The following MFHAS1 variants were observed in gnomAD, a reference collection of about 807,000 sequenced individuals.
MFHAS1 encodes the protein malignant fibrous histiocytoma-amplified sequence 1.
In MFHAS1, 50 loss-of-function variants were observed where a neutral mutation model predicts 70.4. The ratio of observed to expected loss-of-function variants is 0.71; its 90% CI spans 0.57 to 0.90. The LOEUF is 0.90. Among genes scored for constraint, MFHAS1 ranks in the 40% least tolerant of loss-of-function variants. The probability of loss-of-function intolerance (pLI) is 0.00; values close to 1 mark genes in which losing one functional copy is unlikely to be tolerated. For synonymous variants in MFHAS1, 952 were observed against 620.0 expected (o/e 1.54, Z -7.96); for missense variants, 1,795 against 1,347.6 (o/e 1.33, Z -5.20).
At chr8:8,851,459 T>C (rs57155650) in intron 1 of MFHAS1, among the ~76,000 whole-genome samples, 6,429 of 152,276 alleles carry the variant, frequency 0.042, 413 homozygotes, top group African/African-American at 0.14. Flanking sequence ...GAGGTCTAGA[T>C]ACCACAAAAC....
intron 1 of MFHAS1, among the ~76,000 whole-genome samples, chr8:8,874,022 A>T (rs1238044506): frequency 2.0e-5 from 3 of 152,220 alleles, no homozygotes; most frequent in Admixed American, 6.5e-5. Context: ...AAGCCAATTT[A>T]AAAAAATTAC....
At chr8:8,883,818 C>A (rs1251500853) in intron 1 of MFHAS1, among the ~76,000 whole-genome samples, 1 of 151,788 alleles carries the variant, frequency 6.6e-6, no homozygotes, top group East Asian at 1.9e-4. Context: ...CCACTCATTC[C>A]CCTCCTATAA....
In MFHAS1 at chr8:8,792,428, C is replaced by G. The variant is rs184257113; in HGVS notation, c.3125+4937G>C. On this transcript the variant is annotated intron_variant, in intron 2 of 2. Transcript: ENST00000276282. ...CCAGCCTGGTCAACATGGTGAAACT[C>G]CTTCTCTACTAATACAAAAAATAAA... Among the ~76,000 whole-genome samples, 4 of 152,274 alleles carry G rather than the reference C, an allele frequency of 2.6e-5. No individual in the cohort carries two copies. The East Asian group carries it at 7.7e-4, about 29-fold the overall frequency.
At chr8:8,889,312 T>C (rs1050789607) in intron 1 of MFHAS1, among the ~76,000 whole-genome samples, 1 of 152,198 alleles carries the variant, frequency 6.6e-6, no homozygotes, top group Non-Finnish European at 1.5e-5. Context: ...CTATCTTCCA[T>C]GTCCCTGAGT....
At chr8:8,803,232 T>C (rs941636764) in intron 1 of MFHAS1, among the ~76,000 whole-genome samples, 23 of 152,138 alleles carry the variant, frequency 1.5e-4, no homozygotes, top group Non-Finnish European at 1.5e-4. Context: ...GCACCTGGGC[T>C]GGACGTGGTG....
intron 1 of MFHAS1, among the ~76,000 whole-genome samples, chr8:8,879,734 A>AAG (rs1439927610): frequency 2.0e-5 from 3 of 152,184 alleles, no homozygotes; most frequent in African/African-American, 7.2e-5. Context: ...GACATTAACC[A>AAG]AGATCCCAAC....
chr8:8,797,296 T>A, intron 2 of MFHAS1, 69 bp downstream of exon 2: 1 of 1,565,750 alleles, frequency 6.4e-7, no homozygotes, highest in African/African-American at 1.4e-5. Flanking sequence ...ACCTGGATTT[T>A]TGTGGTCATA....
chr8:8,840,139 G>C (rs1407240529), intron 1 of MFHAS1, among the ~76,000 whole-genome samples: 1 of 152,106 alleles, frequency 6.6e-6, no homozygotes, highest in Non-Finnish European at 1.5e-5. Context: ...CTCATTATTA[G>C]GAAGACTCCA....
At chr8:8,799,480 G>A (rs1341894935) in intron 1 of MFHAS1, among the ~76,000 whole-genome samples, 4 of 152,156 alleles carry the variant, frequency 2.6e-5, no homozygotes, top group Non-Finnish European at 5.9e-5. Flanking sequence ...TTTCTGGCTG[G>A]GACAGTGGTT....
rs535708802 is a variant in MFHAS1, at chr8:8,821,355, G to C, written c.2999-23864C>G. On this transcript the variant is annotated intron_variant, in intron 1 of 2. Transcript: ENST00000276282. Reference sequence around the variant, plus strand: ...TTCCACCCTGCATTTTTGGTTCTTGGATTTCATCACGCCGAATTTTACAGA... The same window carrying C: ...TTCCACCCTGCATTTTTGGTTCTTGCATTTCATCACGCCGAATTTTACAGA... Among the ~76,000 whole-genome samples the C allele has an allele frequency of 2.6e-5, 4 of 152,298 alleles. No individual in the cohort carries two copies. The South Asian group carries it at 8.3e-4, about 32-fold the overall frequency.
At chr8:8,838,123 T>C (rs559951625) in intron 1 of MFHAS1, among the ~76,000 whole-genome samples, 16 of 152,250 alleles carry the variant, frequency 1.1e-4, no homozygotes, top group African/African-American at 3.9e-4. Flanking sequence ...CAAGAGTGAG[T>C]GTCAAATACA....
chr8:8,806,822 G>A (rs1388340336), intron 1 of MFHAS1, among the ~76,000 whole-genome samples: 7 of 152,018 alleles, frequency 4.6e-5, no homozygotes, highest in South Asian at 2.1e-4. Flanking sequence ...TTAGCCAGGC[G>A]AGGTGGTACA....
chr8:8,888,913 G>C (rs1222349932), intron 1 of MFHAS1, among the ~76,000 whole-genome samples: 1 of 151,272 alleles, frequency 6.6e-6, no homozygotes, highest in Non-Finnish European at 1.5e-5. Flanking sequence ...TCTGGTGGGA[G>C]ATGTTGACGT....
At chr8:8,829,132 T>C (rs1205012209) in intron 1 of MFHAS1, among the ~76,000 whole-genome samples, 4 of 152,098 alleles carry the variant, frequency 2.6e-5, no homozygotes, top group African/African-American at 9.7e-5. Context: ...AAATCAAACT[T>C]TTCAGGGACC....
intron 2 of MFHAS1, among the ~76,000 whole-genome samples, chr8:8,795,637 G>A (rs1453237603): frequency 2.0e-5 from 3 of 152,246 alleles, no homozygotes; most frequent in Non-Finnish European, 2.9e-5. Flanking sequence ...ACGGGGCACT[G>A]AGCCGAGTGC....
chr8:8,829,507 C>A (rs758190523), intron 1 of MFHAS1, among the ~76,000 whole-genome samples: 1 of 152,126 alleles, frequency 6.6e-6, no homozygotes, highest in Non-Finnish European at 1.5e-5. Context: ...ATGGTGAAAC[C>A]CCATCTCTAC....
chr8:8,790,100 C>T (rs1805673944), intron 2 of MFHAS1, among the ~76,000 whole-genome samples: 1 of 152,154 alleles, frequency 6.6e-6, no homozygotes, highest in Non-Finnish European at 1.5e-5. Context: ...GATCTAAGAT[C>T]ACTGTCTATG....
At chr8:8,822,462 AGGG>A (rs200916362) in intron 1 of MFHAS1, among the ~76,000 whole-genome samples, 1 of 145,182 alleles carries the variant, frequency 6.9e-6, no homozygotes. Context: ...GGACCAAGTC[AGGG>A]GGGATTGAGA....
chr8:8,873,535 T>C (rs1343841825), intron 1 of MFHAS1, among the ~76,000 whole-genome samples: 2 of 152,106 alleles, frequency 1.3e-5, no homozygotes, highest in Non-Finnish European at 2.9e-5. Flanking sequence ...CACCCACTCT[T>C]TCTTCATCAC....
Sources: gnomAD v4.1 joint callset for allele counts (sites outside exome capture counted in the v4.1 genomes callset) on GRCh38, gnomAD v4.1.1 for gene constraint, MANE v1.5 for transcripts, NCBI Gene and HGNC (gene_info 2026-07-23, HGNC 2026-07-21) for gene names.